SGK1: variants seen among roughly 807,000 people sequenced by gnomAD.
The protein encoded by SGK1 is serum/glucocorticoid regulated kinase 1, also known as serine/threonine-protein kinase Sgk1.
SGK1 carries 26 observed loss-of-function variants against 64.2 expected under a neutral mutation model. That is an observed-to-expected ratio of 0.40 (90% CI 0.30 to 0.56). The LOEUF (loss-of-function observed/expected upper bound fraction) is 0.56. Among genes scored for constraint, SGK1 ranks in the 20% least tolerant of loss-of-function variants. The pLI is 0.38. For synonymous variants in SGK1, 265 were observed against 239.7 expected (o/e 1.11, Z -0.98); for missense variants, 519 against 645.6 (o/e 0.80, Z 2.12).
At chr6:134,252,226 C>T (rs1210485743) in intron 2 of SGK1, among the ~76,000 whole-genome samples, 2 of 152,098 alleles carry the variant, frequency 1.3e-5, no homozygotes, top group Admixed American at 6.5e-5. Context: ...GAGAGGTCAG[C>T]AGTGACTCGA....
At chr6:134,183,848 A>ACCCCCCCCCCCCCCCC (rs1562243390) in intron 3 of SGK1, among the ~76,000 whole-genome samples, 1 of 80,128 alleles carries the variant, frequency 1.2e-5, no homozygotes, top group Non-Finnish European at 2.5e-5. Context: ...ACCTGTCCCC[A>ACCCCCCCCCCCCCCCC]CCCCACCCCC....
intron 3 of SGK1, among the ~76,000 whole-genome samples, chr6:134,201,389 T>C (rs1423524526): frequency 6.7e-6 from 1 of 150,238 alleles, no homozygotes; most frequent in African/African-American, 2.5e-5. Flanking sequence ...GGAGATAGAG[T>C]CTCGCTCTGT....
intron 3 of SGK1, among the ~76,000 whole-genome samples, chr6:134,181,256 A>G (rs2114653815): frequency 6.6e-6 from 1 of 152,350 alleles, no homozygotes; most frequent in East Asian, 1.9e-4. Flanking sequence ...TCTGGTGGAC[A>G]TCTTTTGTCA....
chr6:134,311,644 G>C (rs1280609896), intron 1 of SGK1, among the ~76,000 whole-genome samples: 1 of 151,986 alleles, frequency 6.6e-6, no homozygotes, highest in East Asian at 1.9e-4. Context: ...GAGTGAGACT[G>C]TATGAAAAAA....
intron 2 of SGK1, among the ~76,000 whole-genome samples, chr6:134,251,071 C>T (rs1776599376): frequency 6.6e-6 from 1 of 152,104 alleles, no homozygotes; most frequent in Non-Finnish European, 1.5e-5. Flanking sequence ...GCCATTGCAC[C>T]CAGCCCTTAG....
chr6:134,317,340 G>T (rs1386423257), intron 1 of SGK1, 52 bp downstream of exon 1: 6 of 1,136,516 alleles, frequency 5.3e-6, no homozygotes, highest in Non-Finnish European at 8.1e-6. Flanking sequence ...ACATTCAAAA[G>T]CATTTAAGAG....
At chr6:134,299,732 G>A (rs79850543) in intron 1 of SGK1, among the ~76,000 whole-genome samples, 3,652 of 151,046 alleles carry the variant, frequency 0.024, 64 homozygotes, top group East Asian at 0.081. Flanking sequence ...GGATATGCCT[G>A]TTCATTCTAG....
intron 3 of SGK1, among the ~76,000 whole-genome samples, chr6:134,182,990 C>G (rs1484242034): frequency 6.6e-6 from 1 of 152,160 alleles, no homozygotes; most frequent in East Asian, 1.9e-4. Flanking sequence ...CAAATATAGA[C>G]CTATTGAGAG....
intron 1 of SGK1, among the ~76,000 whole-genome samples, chr6:134,274,548 G>A (rs1172303486): frequency 7.3e-5 from 11 of 151,724 alleles, no homozygotes; most frequent in South Asian, 2.1e-4. Context: ...GAAATGCTTC[G>A]ACATCTGAAG....
chr6:134,265,969 ATTTATTTC>A (rs1248014083), intron 1 of SGK1, among the ~76,000 whole-genome samples: 1 of 149,022 alleles, frequency 6.7e-6, no homozygotes, highest in African/African-American at 2.5e-5. Context: ...TGCTTTATTT[ATTTATTTC>A]TTTATTCATT....
chr6:134,254,844 G>C (rs1208053242), intron 2 of SGK1, among the ~76,000 whole-genome samples: 1 of 152,108 alleles, frequency 6.6e-6, no homozygotes. Flanking sequence ...TATACCATGG[G>C]ATATGTCAAT....
chr6:134,173,868 A>G lies in SGK1; in HGVS notation c.513+137T>C, dbSNP rs1180977401. The G allele has an allele frequency of 3.9e-5, 26 of 669,248 alleles. No individual in the cohort carries two copies. The East Asian group carries it at 6.6e-4, about 17-fold the overall frequency. 41.5% of individuals were successfully genotyped at this position (669,248 alleles called of 1,614,324 possible). On this transcript the variant is annotated intron_variant, in intron 5 of 13. Transcript: ENST00000367858. ...TCTGACTCAATACTTAAATATTTATATCACTTGTTATGCCATAATGAAGCA... is the reference window on the plus strand; with the variant it reads ...TCTGACTCAATACTTAAATATTTATGTCACTTGTTATGCCATAATGAAGCA...
chr6:134,261,875 A>G (rs1476406352), intron 2 of SGK1, 58 bp downstream of exon 2: 2 of 1,303,060 alleles, frequency 1.5e-6, no homozygotes, highest in East Asian at 4.6e-5. Context: ...GAAATACAAG[A>G]AAAACAAAGG....
intron 2 of SGK1, among the ~76,000 whole-genome samples, chr6:134,226,387 A>G (rs1776179842): frequency 6.6e-6 from 1 of 151,584 alleles, no homozygotes; most frequent in Non-Finnish European, 1.5e-5. Context: ...AAAGATTTTT[A>G]TTTTGTTTTT....
At chr6:134,257,660 C>T (rs1350976545) in intron 2 of SGK1, among the ~76,000 whole-genome samples, 1 of 152,116 alleles carries the variant, frequency 6.6e-6, no homozygotes, top group Non-Finnish European at 1.5e-5. Flanking sequence ...GGTTAACTAG[C>T]TGAGGCCTAT....
chr6:134,203,266 G>A (rs1408241618), intron 3 of SGK1, among the ~76,000 whole-genome samples: 2 of 151,976 alleles, frequency 1.3e-5, no homozygotes, highest in East Asian at 3.9e-4. Flanking sequence ...TAAAAATAAA[G>A]TCATTTATTG....
chr6:134,248,793 G>C (rs1776563858), intron 2 of SGK1, among the ~76,000 whole-genome samples: 1 of 152,042 alleles, frequency 6.6e-6, no homozygotes, highest in Non-Finnish European at 1.5e-5. Flanking sequence ...TAAGAGTTCT[G>C]AAGTTAAATG....
In SGK1 at chr6:134,305,363, CAAA is replaced by C. The variant is rs34637536; in HGVS notation, c.69+12026_69+12028del. On this transcript the variant is annotated intron_variant, in intron 1 of 13. Coordinates refer to ENST00000367858, the MANE Select transcript of SGK1 (RefSeq NM_001143676.3). ...TGGGCAACAGAGTGATACTTCATCT[CAAA>C]AAAAAAAAAAAAAAAAAAAAGGGAA... Among the ~76,000 whole-genome samples, 179 of 65,604 alleles carry C rather than the reference CAAA, an allele frequency of 2.7e-3. 1 individual carries two copies. The highest frequency in any genetic ancestry group is 8.6e-3 in the African/African-American group (129 of 15,058). The allele number at this position is 65,604 out of a possible 152,430, so 43.0% of individuals were successfully genotyped here.
intron 1 of SGK1, among the ~76,000 whole-genome samples, chr6:134,274,188 A>C (rs1776985198): frequency 6.6e-6 from 1 of 152,094 alleles, no homozygotes; most frequent in South Asian, 2.1e-4. Context: ...TATTTTTAGT[A>C]GAGATGGGGT....
Sources: gnomAD v4.1 joint callset for allele counts (sites outside exome capture counted in the v4.1 genomes callset) on GRCh38, gnomAD v4.1.1 for gene constraint, MANE v1.5 for transcripts, NCBI Gene and HGNC (gene_info 2026-07-23, HGNC 2026-07-21) for gene names.